The following DLGAP1 variants were observed in gnomAD, a reference collection of about 807,000 sequenced individuals.
DLGAP1 encodes the protein disks large-associated protein 1.
In DLGAP1, 11 loss-of-function variants were observed where a neutral mutation model predicts 90.8. The observed-to-expected ratio is 0.12, with a 90% CI of 0.08 to 0.20. The LOEUF (loss-of-function observed/expected upper bound fraction) is 0.20. DLGAP1 is among the 10% of genes least tolerant of loss of function. The pLI, the probability that DLGAP1 is intolerant of heterozygous loss-of-function variation, is 1.00. For synonymous variants in DLGAP1, 558 were observed against 540.7 expected (o/e 1.03, Z -0.44); for missense variants, 1,050 against 1,333.8 (o/e 0.79, Z 3.31).
intron 1 of DLGAP1, among the ~76,000 whole-genome samples, chr18:4,257,434 G>C (rs1448490729): frequency 2.0e-5 from 3 of 152,108 alleles, no homozygotes; most frequent in African/African-American, 7.2e-5. Context: ...GCAGTATCTG[G>C]CTAAATAGGG....
intron 1 of DLGAP1, among the ~76,000 whole-genome samples, chr18:4,375,797 G>C (rs2082002369): frequency 6.6e-6 from 1 of 152,126 alleles, no homozygotes; most frequent in Non-Finnish European, 1.5e-5. Flanking sequence ...TGATTTGAGA[G>C]TTGAATTTAT....
rs77519131 is a variant in DLGAP1 at position 3,620,915 on chromosome 18, G to T, written c.1592-38667C>A. On this transcript the variant is annotated intron_variant, in intron 7 of 12. Coordinates refer to ENST00000315677, the MANE Select transcript of DLGAP1 (RefSeq NM_004746.4). ...ACCAGAAATTATACATATTTCTAGA[G>T]CTTTCACCCTTCAAACAGTGGTTCC... Among the ~76,000 whole-genome samples the T allele has an allele frequency of 3.8e-3, 576 of 152,290 alleles. 2 individuals carry two copies. Among genetic ancestry groups the T allele is most frequent in the Non-Finnish European group, 4.1e-3 (279 of 68,034 alleles).
chr18:3,685,096 A>G (rs1458624755), intron 7 of DLGAP1, among the ~76,000 whole-genome samples: 3 of 152,232 alleles, frequency 2.0e-5, no homozygotes, highest in Non-Finnish European at 4.4e-5. Flanking sequence ...CTTGTAAAAA[A>G]TAAGCATATC....
At chr18:4,021,024 G>A (rs897545466) in intron 2 of DLGAP1, among the ~76,000 whole-genome samples, 4 of 151,954 alleles carry the variant, frequency 2.6e-5, no homozygotes, top group African/African-American at 9.7e-5. Context: ...TCACTTCGGC[G>A]CCTTACGATT....
chr18:4,399,990 A>T (rs951529033), intron 1 of DLGAP1, among the ~76,000 whole-genome samples: 8 of 151,974 alleles, frequency 5.3e-5, no homozygotes, highest in Non-Finnish European at 1.2e-4. Flanking sequence ...AGCCCTAAAT[A>T]AAAAAAAGTA....
chr18:3,769,420 G>A (rs999787126), intron 5 of DLGAP1, among the ~76,000 whole-genome samples: 12 of 152,104 alleles, frequency 7.9e-5, no homozygotes, highest in African/African-American at 1.2e-4. Context: ...GAAATGAAGC[G>A]TATGTTCACT....
intron 1 of DLGAP1, among the ~76,000 whole-genome samples, chr18:4,441,125 G>A (rs933136797): frequency 2.6e-5 from 4 of 152,164 alleles, no homozygotes; most frequent in African/African-American, 4.8e-5. Flanking sequence ...TGTTCATTGC[G>A]TTCTCTAAAT....
chr18:3,621,798 A>G (rs560841618), intron 7 of DLGAP1, among the ~76,000 whole-genome samples: 2 of 152,276 alleles, frequency 1.3e-5, no homozygotes, highest in East Asian at 3.9e-4. Flanking sequence ...ACGTCCCTGC[A>G]AAAACTTAAA....
At chr18:3,799,870 G>T (rs1283902425) in intron 5 of DLGAP1, among the ~76,000 whole-genome samples, 1 of 152,146 alleles carries the variant, frequency 6.6e-6, no homozygotes, top group Non-Finnish European at 1.5e-5. Flanking sequence ...CAAGGAAAGA[G>T]AAATGACAAT....
intron 1 of DLGAP1, among the ~76,000 whole-genome samples, chr18:4,244,549 A>G (rs2078613651): frequency 6.6e-6 from 1 of 152,206 alleles, no homozygotes; most frequent in Admixed American, 6.5e-5. Flanking sequence ...ATGAGTTGCC[A>G]AATCAGTGAT....
At chr18:4,092,055 AG>A (rs1208992561) in intron 2 of DLGAP1, among the ~76,000 whole-genome samples, 5 of 152,138 alleles carry the variant, frequency 3.3e-5, no homozygotes, top group Non-Finnish European at 7.4e-5. Context: ...TCTAGTTAGA[AG>A]TTGAGCTGGG....
chr18:3,947,685 T>G (rs1016176048), intron 3 of DLGAP1, among the ~76,000 whole-genome samples: 1 of 152,220 alleles, frequency 6.6e-6, no homozygotes, highest in Non-Finnish European at 1.5e-5. Flanking sequence ...ATTTGTGAGC[T>G]CATTTGGTCA....
chr18:4,269,476 C>G (rs1266638689), intron 1 of DLGAP1, among the ~76,000 whole-genome samples: 1 of 151,624 alleles, frequency 6.6e-6, no homozygotes, highest in Non-Finnish European at 1.5e-5. Flanking sequence ...GCCTCAGCCT[C>G]CCGAGTAGCT....
chr18:4,141,446 T>C (rs1171096670), intron 2 of DLGAP1, among the ~76,000 whole-genome samples: 1 of 151,998 alleles, frequency 6.6e-6, no homozygotes, highest in East Asian at 1.9e-4. Context: ...CACTTTTACA[T>C]GACATCATTC....
chr18:3,602,754 A>G (rs943431865), intron 7 of DLGAP1, among the ~76,000 whole-genome samples: 1 of 152,180 alleles, frequency 6.6e-6, no homozygotes, highest in Non-Finnish European at 1.5e-5. Flanking sequence ...AAGGAACCAT[A>G]GAAGATACAA....
chr18:4,240,890 C>T (rs1408719692), intron 1 of DLGAP1, among the ~76,000 whole-genome samples: 1 of 152,206 alleles, frequency 6.6e-6, no homozygotes, highest in African/African-American at 2.4e-5. Context: ...TACACAATTT[C>T]ATTTTGGCTA....
intron 3 of DLGAP1, among the ~76,000 whole-genome samples, chr18:3,967,543 T>C (rs1463747465): frequency 6.6e-6 from 1 of 152,192 alleles, no homozygotes; most frequent in Non-Finnish European, 1.5e-5. Flanking sequence ...TGCAGGTGAC[T>C]GATGCCGGCT....
At chr18:4,311,413 C>A (rs1322406661) in intron 1 of DLGAP1, among the ~76,000 whole-genome samples, 1 of 152,144 alleles carries the variant, frequency 6.6e-6, no homozygotes, top group Non-Finnish European at 1.5e-5. Context: ...GCCAGGGATG[C>A]CTTAGCAGTT....
At chr18:3,932,469 GA>G (rs1304742620) in intron 3 of DLGAP1, among the ~76,000 whole-genome samples, 1 of 152,208 alleles carries the variant, frequency 6.6e-6, no homozygotes, top group Non-Finnish European at 1.5e-5. Flanking sequence ...CTCTAAGATG[GA>G]ACATTGCAGA....
Sources: allele counts gnomAD v4.1 joint callset (sites outside exome capture counted in the v4.1 genomes callset), GRCh38; gene constraint gnomAD v4.1.1; transcripts MANE v1.5; gene names NCBI Gene and HGNC (gene_info 2026-07-23, HGNC 2026-07-21).